Variants in MIER1 observed in about 807,000 individuals in gnomAD.
MIER1 encodes mesoderm induction early response protein 1.
MIER1 carries 40 observed loss-of-function variants against 75.7 expected under a neutral mutation model. The ratio of observed to expected loss-of-function variants is 0.53; its 90% CI spans 0.41 to 0.69. MIER1 has a LOEUF of 0.69. Among genes scored for constraint, MIER1 ranks in the 30% least tolerant of loss-of-function variants. MIER1 has a pLI of 0.00. For synonymous variants in MIER1, 213 were observed against 223.4 expected (o/e 0.95, Z 0.42); for missense variants, 574 against 680.2 (o/e 0.84, Z 1.74).
chr1:66,980,272 A>G (rs1665622376), intron 12 of MIER1, among the ~76,000 whole-genome samples: 2 of 152,252 alleles, frequency 1.3e-5, no homozygotes, highest in Non-Finnish European at 2.9e-5. Context: ...CTTCAAGACC[A>G]TCTAATTTAA....
At chr1:66,940,171 T>C (rs1655849742) in intron 3 of MIER1, 119 bp downstream of exon 3, 2 of 660,782 alleles carry the variant, frequency 3.0e-6, no homozygotes, top group African/African-American at 3.7e-5. Flanking sequence ...ATGCTTCTTT[T>C]CTCTGGGGAA....
rs1421199778 is a variant in MIER1, at chr1:66,959,676, T to C, written c.635-3T>C. 1 of 1,336,952 alleles carries C rather than the reference T, an allele frequency of 7.5e-7. No homozygotes were observed. Among genetic ancestry groups the C allele is most frequent in the Non-Finnish European group, 1.0e-6 (1 of 981,792 alleles). 82.8% of individuals were successfully genotyped at this position (1,336,952 alleles called of 1,614,324 possible). On this transcript the variant is annotated splice_region_variant and splice_polypyrimidine_tract_variant and intron_variant, in intron 6 of 13. Coordinates refer to ENST00000401041, the MANE Select transcript of MIER1 (RefSeq NM_001077700.3). ...TATAGTATTGGTGTCTTATTTATTC[T>C]AGATAGTGAAGTAGAAGAAGAATCT...
chr1:66,931,103 T>A (rs961174163), intron 2 of MIER1, among the ~76,000 whole-genome samples: 4 of 149,648 alleles, frequency 2.7e-5, no homozygotes, highest in African/African-American at 9.8e-5. Context: ...TCTTGTCTTC[T>A]TTCTCTTCTA....
At chr1:66,930,862 C>T (rs567593102) in intron 2 of MIER1, among the ~76,000 whole-genome samples, 1 of 152,230 alleles carries the variant, frequency 6.6e-6, no homozygotes, top group Admixed American at 6.5e-5. Context: ...GTAAGGCTGA[C>T]GGCCTTTGAT....
intron 4 of MIER1, chr1:66,946,588 G>A (rs945265224): frequency 1.0e-4 from 105 of 1,055,044 alleles, no homozygotes; most frequent in Non-Finnish European, 1.1e-4. Context: ...GATTCTACAC[G>A]GCCTCATATA....
chr1:66,967,724 C>T (rs545884755), intron 8 of MIER1, among the ~76,000 whole-genome samples: 7 of 150,184 alleles, frequency 4.7e-5, no homozygotes, highest in East Asian at 2.0e-4. Flanking sequence ...TTCACTTCTT[C>T]GGTTAATTTC....
chr1:66,938,306 T>C (rs1362990416), intron 2 of MIER1, among the ~76,000 whole-genome samples: 1 of 152,216 alleles, frequency 6.6e-6, no homozygotes, highest in Non-Finnish European at 1.5e-5. Flanking sequence ...CTTTTATTCT[T>C]CAGTAACTTG....
At chr1:66,946,924 G>C (rs1657782709) in intron 4 of MIER1, 1 of 985,006 alleles carries the variant, frequency 1.0e-6, no homozygotes. Context: ...AGTATCTTTT[G>C]CAGACTCTTC....
intron 8 of MIER1, among the ~76,000 whole-genome samples, chr1:66,967,477 G>C (rs1332191126): frequency 6.6e-6 from 1 of 152,124 alleles, no homozygotes; most frequent in Non-Finnish European, 1.5e-5. Context: ...TGGCTATTCT[G>C]AGTCTTTTGT....
chr1:66,949,050 C>T (rs1658319213), intron 4 of MIER1, among the ~76,000 whole-genome samples: 1 of 152,102 alleles, frequency 6.6e-6, no homozygotes. Flanking sequence ...ATCATAGTCA[C>T]TTCATGTATT....
chr1:66,926,538 TAAC>T (rs1208788643), intron 2 of MIER1, among the ~76,000 whole-genome samples: 1 of 152,106 alleles, frequency 6.6e-6, no homozygotes, highest in Non-Finnish European at 1.5e-5. Context: ...GTGGCATTAA[TAAC>T]AAAAAATGAA....
chr1:66,939,300 A>G lies in MIER1; in HGVS notation c.169-728A>G, dbSNP rs544969421. Among the ~76,000 whole-genome samples, 10 of 152,296 alleles carry G rather than the reference A, an allele frequency of 6.6e-5. No individual in the cohort carries two copies. The South Asian group carries it at 1.9e-3, about 28-fold the overall frequency. On this transcript the variant is annotated intron_variant, in intron 2 of 13. Transcript: ENST00000401041. Reference sequence around the variant, plus strand: ...CGCATTGTCAAGCAGTAACATTACTAAAATAAATTGCTACCAATTTTATCT... The same window carrying G: ...CGCATTGTCAAGCAGTAACATTACTGAAATAAATTGCTACCAATTTTATCT...
intron 3 of MIER1, among the ~76,000 whole-genome samples, chr1:66,942,492 T>C (rs1280506302): frequency 6.6e-6 from 1 of 152,178 alleles, no homozygotes; most frequent in Non-Finnish European, 1.5e-5. Context: ...TGCAGTAGGA[T>C]AGGATTTCAT....
rs986131429 is a variant in MIER1 at position 66,969,407 on chromosome 1, T to C, written c.773-1401T>C. Among the ~76,000 whole-genome samples the C allele has an allele frequency of 3.9e-5, 6 of 151,988 alleles. No individual in the cohort carries two copies. In the South Asian group the frequency reaches 1.0e-3, roughly 26 times the overall value. ...AAAAATACAAAAACCTAGCCAGGTA[T>C]GGTGGCACATGCCTGTAGTCCCAGC... On this transcript the variant is annotated intron_variant, in intron 8 of 13. Coordinates refer to ENST00000401041, the MANE Select transcript of MIER1 (RefSeq NM_001077700.3).
intron 3 of MIER1, chr1:66,940,262 T>G (rs1469445549): frequency 8.0e-6 from 3 of 373,550 alleles, no homozygotes; most frequent in Admixed American, 1.1e-4. Context: ...TGACTATTTT[T>G]GGGTTTTCTT....
Position 66,958,142 on chromosome 1 carries a change from G to C in MIER1, c.423G>C (p.Glu141Asp), listed in dbSNP as rs946681806. 8 of 1,599,670 alleles carry C rather than the reference G, an allele frequency of 5.0e-6. No homozygotes were observed. In the African/African-American group the frequency reaches 8.0e-5, roughly 16 times the overall value. Reference protein sequence around the residue: ...TVRLPEEDEEEEEEEEEGEDD... With the variant: ...TVRLPEEDEEDEEEEEEGEDD... ...GACTACCTGAAGAAGATGAGGAAGA[G>C]GAAGAAGAGGAAGAAGAAGGTGAAG... The change falls in exon 5 of 14, where the codon GAG (glutamate) becomes GAC (aspartate). Residue 141 changes from glutamate to aspartate, a missense_variant. Physicochemically the swap from Glu to Asp is conservative, Grantham distance 45. Coordinates refer to ENST00000401041, the MANE Select transcript of MIER1 (RefSeq NM_001077700.3).
intron 2 of MIER1, among the ~76,000 whole-genome samples, chr1:66,930,013 C>G (rs937963835): frequency 6.6e-6 from 1 of 152,216 alleles, no homozygotes; most frequent in Non-Finnish European, 1.5e-5. Context: ...TAGACAACCC[C>G]CTCCGCCTGG....
chr1:66,932,993 A>G (rs970672658), intron 2 of MIER1, among the ~76,000 whole-genome samples: 11 of 152,182 alleles, frequency 7.2e-5, no homozygotes, highest in African/African-American at 2.2e-4. Context: ...AGTCCATAAT[A>G]GGAAGTATAT....
intron 2 of MIER1, among the ~76,000 whole-genome samples, chr1:66,937,010 A>C (rs1168787656): frequency 3.3e-5 from 5 of 151,322 alleles, no homozygotes; most frequent in Non-Finnish European, 7.4e-5. Context: ...AAAAAAAAAA[A>C]AAAAAAAAAA....
Sources: allele counts gnomAD v4.1 joint callset (sites outside exome capture counted in the v4.1 genomes callset), GRCh38; gene constraint gnomAD v4.1.1; transcripts MANE v1.5; gene names NCBI Gene and HGNC (gene_info 2026-07-23, HGNC 2026-07-21).